DLG2: variants seen among roughly 807,000 people sequenced by gnomAD.
The protein encoded by DLG2 is disks large homolog 2.
DLG2 carries 45 observed loss-of-function variants against 132.5 expected under a neutral mutation model. That is an observed-to-expected ratio of 0.34 (90% CI 0.27 to 0.44). The LOEUF is 0.44. Ranked by LOEUF, DLG2 falls within the 20% of genes least tolerant of loss-of-function variation. DLG2 has a pLI of 1.00. For missense variants in DLG2, 1,045 were observed against 1,196.9 expected (o/e 0.87, Z 1.87); for synonymous variants, 424 against 419.6 (o/e 1.01, Z -0.13).
intron 6 of DLG2, among the ~76,000 whole-genome samples, chr11:84,724,615 C>T (rs1292725462): frequency 6.6e-6 from 1 of 152,090 alleles, no homozygotes; most frequent in Non-Finnish European, 1.5e-5. Context: ...AGTACTTTAA[C>T]TACATTAATA....
At chr11:84,158,207 G>A (rs1325148649) in intron 9 of DLG2, among the ~76,000 whole-genome samples, 1 of 151,982 alleles carries the variant, frequency 6.6e-6, no homozygotes, top group Admixed American at 6.6e-5. Flanking sequence ...GGGACTACAG[G>A]TGCCTGCCAC....
intron 7 of DLG2, among the ~76,000 whole-genome samples, chr11:84,290,947 A>G (rs1677610766): frequency 6.6e-6 from 1 of 152,144 alleles, no homozygotes; most frequent in Admixed American, 6.6e-5. Flanking sequence ...ATGGGGAAGA[A>G]AAGTAACTAA....
chr11:84,399,091 T>G (rs1307648178), intron 7 of DLG2, among the ~76,000 whole-genome samples: 1 of 152,158 alleles, frequency 6.6e-6, no homozygotes, highest in Admixed American at 6.5e-5. Context: ...ATTGTGTCTT[T>G]CATGAGGTAC....
At chr11:83,643,032 A>C (rs762747742) in intron 18 of DLG2, among the ~76,000 whole-genome samples, 10 of 152,170 alleles carry the variant, frequency 6.6e-5, no homozygotes, top group Non-Finnish European at 1.2e-4. Flanking sequence ...TAAAATGGAG[A>C]CATCACTGAT....
rs181515816 is a variant in DLG2, at chr11:85,408,471, G to A, written c.41-123106C>T. The stretch of plus-strand genomic sequence containing the variant: ...GCTGGTTAGTTACATATGTATACAT[G>A]TGACATGCTGGTGCACTGCACCCAC... On this transcript the variant is annotated intron_variant, in intron 3 of 27. Coordinates refer to ENST00000376104, the MANE Select transcript of DLG2 (RefSeq NM_001142699.3). Among the ~76,000 whole-genome samples, 1,207 of 151,162 alleles carry A rather than the reference G, an allele frequency of 8.0e-3. 14 individuals are homozygous for A. The highest frequency in any genetic ancestry group is 0.028 in the African/African-American group (1,138 of 41,176).
chr11:83,907,257 C>CA (rs1023799119), intron 15 of DLG2, among the ~76,000 whole-genome samples: 14 of 152,172 alleles, frequency 9.2e-5, no homozygotes, highest in African/African-American at 3.4e-4. Context: ...AATCACCAAA[C>CA]ACTTACTATA....
At chr11:85,390,172 C>A (rs1472141244) in intron 3 of DLG2, among the ~76,000 whole-genome samples, 1 of 151,548 alleles carries the variant, frequency 6.6e-6, no homozygotes, top group Non-Finnish European at 1.5e-5. Context: ...ATATTCCATG[C>A]AAATGAACAC....
At chr11:84,033,690 T>C (rs571629445) in intron 11 of DLG2, among the ~76,000 whole-genome samples, 3 of 152,302 alleles carry the variant, frequency 2.0e-5, no homozygotes, top group African/African-American at 7.2e-5. Flanking sequence ...AATAAATCTT[T>C]CCTGAAAGGA....
intron 18 of DLG2, among the ~76,000 whole-genome samples, chr11:83,762,591 T>A (rs912208206): frequency 6.6e-5 from 10 of 152,054 alleles, no homozygotes; most frequent in Admixed American, 1.3e-4. Flanking sequence ...AATTTTTTTT[T>A]TTTTTTTGAG....
intron 5 of DLG2, among the ~76,000 whole-genome samples, chr11:85,144,757 C>T (rs2076733741): frequency 6.6e-6 from 1 of 151,594 alleles, no homozygotes; most frequent in African/African-American, 2.4e-5. Flanking sequence ...TTAGTTGTTT[C>T]TATATATTTT....
intron 15 of DLG2, among the ~76,000 whole-genome samples, chr11:83,924,027 A>G (rs961086060): frequency 1.3e-5 from 2 of 152,060 alleles, no homozygotes; most frequent in African/African-American, 4.8e-5. Context: ...GTAGTCCCAG[A>G]AGGCATTGTG....
At chr11:85,142,764 G>A (rs751982120) in intron 5 of DLG2, among the ~76,000 whole-genome samples, 1 of 151,610 alleles carries the variant, frequency 6.6e-6, no homozygotes, top group Admixed American at 6.6e-5. Flanking sequence ...TAGCATTTTT[G>A]TCACGAAGAG....
At chr11:84,789,367 A>G (rs2073444370) in intron 6 of DLG2, among the ~76,000 whole-genome samples, 1 of 152,190 alleles carries the variant, frequency 6.6e-6, no homozygotes, top group Admixed American at 6.5e-5. Context: ...TAGCATTAAG[A>G]CAATGATTGA....
intron 6 of DLG2, among the ~76,000 whole-genome samples, chr11:84,603,143 G>T (rs894594738): frequency 4.0e-5 from 6 of 151,842 alleles, no homozygotes; most frequent in Non-Finnish European, 5.9e-5. Flanking sequence ...TCTGTTCATG[G>T]TTCTCCTAGA....
At chr11:84,843,800 A>C (rs1200952368) in intron 6 of DLG2, among the ~76,000 whole-genome samples, 4 of 151,858 alleles carry the variant, frequency 2.6e-5, no homozygotes, top group Non-Finnish European at 5.9e-5. Context: ...CTTTTTCCCC[A>C]AATATTTTTG....
At chr11:85,324,837 T>C (rs1375954968) in intron 3 of DLG2, among the ~76,000 whole-genome samples, 8 of 151,244 alleles carry the variant, frequency 5.3e-5, no homozygotes, top group African/African-American at 9.7e-5. Context: ...AGACGGGTGA[T>C]TTCTGCATTT....
intron 18 of DLG2, among the ~76,000 whole-genome samples, chr11:83,719,740 G>T (rs184733831): frequency 6.6e-6 from 1 of 152,146 alleles, no homozygotes; most frequent in Non-Finnish European, 1.5e-5. Context: ...AAATTACAAC[G>T]AGAAGTTTGG....
chr11:84,748,300 A>C (rs899611109), intron 6 of DLG2, among the ~76,000 whole-genome samples: 1 of 152,198 alleles, frequency 6.6e-6, no homozygotes, highest in African/African-American at 2.4e-5. Context: ...GACATTAATG[A>C]ACCAGAAATG....
At chr11:83,731,278 C>G (rs946114977) in intron 18 of DLG2, among the ~76,000 whole-genome samples, 3 of 152,126 alleles carry the variant, frequency 2.0e-5, no homozygotes, top group Admixed American at 6.5e-5. Context: ...CTAATGCTCT[C>G]CCTCCCCTCT....
Sources: allele counts gnomAD v4.1 joint callset (sites outside exome capture counted in the v4.1 genomes callset), GRCh38; gene constraint gnomAD v4.1.1; transcripts MANE v1.5; gene names NCBI Gene and HGNC (gene_info 2026-07-23, HGNC 2026-07-21).